Variants in DSTN observed in about 807,000 individuals in gnomAD.
DSTN encodes the protein destrin, actin depolymerizing factor, also known as destrin.
A neutral mutation model predicts 16.8 loss-of-function variants in DSTN; 10 were observed. The observed-to-expected ratio is 0.60, with a 90% CI of 0.37 to 1.01. The LOEUF (loss-of-function observed/expected upper bound fraction) is 1.01. Among genes scored for constraint, DSTN ranks in the 50% least tolerant of loss-of-function variants. The pLI, the probability that DSTN is intolerant of heterozygous loss-of-function variation, is 0.01. For missense variants in DSTN, 141 were observed against 196.7 expected (o/e 0.72, Z 1.69); for synonymous variants, 57 against 58.9 (o/e 0.97, Z 0.14).
chr20:17,595,672 A>G lies in DSTN; in HGVS notation c.4-5066A>G, dbSNP rs547002419. On this transcript the variant is annotated intron_variant, in intron 1 of 3. Coordinates refer to ENST00000246069, the MANE Select transcript of DSTN (RefSeq NM_006870.4). ...CCAAATTGCCAGAGTTCAAATCCCA[A>G]TTCCTCTATTGTTTACTCTGTGACC... is the stretch of plus-strand genomic sequence containing the variant. Among the ~76,000 whole-genome samples the G allele has an allele frequency of 1.4e-3, 217 of 152,112 alleles. 1 individual carries two copies. The highest frequency in any genetic ancestry group is 5.0e-3 in the African/African-American group (208 of 41,510).
intron 1 of DSTN, among the ~76,000 whole-genome samples, chr20:17,574,441 C>T (rs1438266455): frequency 1.3e-5 from 2 of 152,150 alleles, no homozygotes; most frequent in African/African-American, 4.8e-5. Flanking sequence ...ATGTCCTTCA[C>T]TTTACACTTA....
At chr20:17,578,712 G>A (rs555685913) in intron 1 of DSTN, among the ~76,000 whole-genome samples, 49 of 152,314 alleles carry the variant, frequency 3.2e-4, no homozygotes, top group Non-Finnish European at 4.9e-4. Context: ...TGTTATCCCA[G>A]CACTTCGGGA....
At chr20:17,593,581 G>A (rs1014710369) in intron 1 of DSTN, among the ~76,000 whole-genome samples, 17 of 152,176 alleles carry the variant, frequency 1.1e-4, no homozygotes, top group African/African-American at 2.2e-4. Flanking sequence ...ACTTTTCTGC[G>A]TAGTGAGAAT....
chr20:17,577,238 A>C (rs1223771818), intron 1 of DSTN, among the ~76,000 whole-genome samples: 2 of 152,242 alleles, frequency 1.3e-5, no homozygotes, highest in Non-Finnish European at 2.9e-5. Context: ...AACCTGTAGT[A>C]ATAGAACTAA....
At chr20:17,598,653 C>T (rs2035553045) in intron 1 of DSTN, among the ~76,000 whole-genome samples, 1 of 151,998 alleles carries the variant, frequency 6.6e-6, no homozygotes, top group South Asian at 2.1e-4. Flanking sequence ...TGTTGGTTAT[C>T]TTCATCTTAT....
At chr20:17,571,681 A>G (rs890336431) in intron 1 of DSTN, among the ~76,000 whole-genome samples, 8 of 152,222 alleles carry the variant, frequency 5.3e-5, no homozygotes, top group African/African-American at 1.9e-4. Flanking sequence ...GGTCTGCTCT[A>G]GAGACTTCTG....
chr20:17,576,020 C>T (rs1228952752), intron 1 of DSTN, among the ~76,000 whole-genome samples: 1 of 152,170 alleles, frequency 6.6e-6, no homozygotes, highest in Admixed American at 6.5e-5. Flanking sequence ...TGAATTACCT[C>T]CTGCTCATTT....
chr20:17,576,154 C>T (rs1456330041), intron 1 of DSTN: 1 of 152,152 alleles, frequency 6.6e-6, no homozygotes, highest in Non-Finnish European at 1.5e-5. Context: ...ACTAAGACCC[C>T]CATTGAGTTG....
intron 1 of DSTN, among the ~76,000 whole-genome samples, chr20:17,587,410 G>A (rs1349698748): frequency 6.6e-6 from 1 of 152,124 alleles, no homozygotes; most frequent in African/African-American, 2.4e-5. Flanking sequence ...CTACAGGCAT[G>A]TGCCACCACA....
At chr20:17,578,011 CA>C (rs1222602925) in intron 1 of DSTN, among the ~76,000 whole-genome samples, 2 of 152,234 alleles carry the variant, frequency 1.3e-5, no homozygotes, top group African/African-American at 4.8e-5. Flanking sequence ...CTCGTTAAGT[CA>C]CATGTGGCTA....
At chr20:17,602,953 G>A (rs1286523861) in intron 2 of DSTN, among the ~76,000 whole-genome samples, 1 of 152,230 alleles carries the variant, frequency 6.6e-6, no homozygotes, top group East Asian at 1.9e-4. Context: ...CTGGGAGGCA[G>A]AGGTTGCAGT....
At chr20:17,604,498 T>C in intron 2 of DSTN, 57 bp from the exon 3 acceptor site, 1 of 1,525,616 alleles carries the variant, frequency 6.6e-7, no homozygotes, top group Non-Finnish European at 9.0e-7. Flanking sequence ...GTTTAACAAG[T>C]TGCAAGTTAT....
At chr20:17,577,763 T>C (rs2035295364) in intron 1 of DSTN, among the ~76,000 whole-genome samples, 1 of 152,158 alleles carries the variant, frequency 6.6e-6, no homozygotes. Context: ...TGAAATCCAG[T>C]ATATATTTTA....
chr20:17,589,655 T>C (rs979829020), intron 1 of DSTN, among the ~76,000 whole-genome samples: 1 of 152,250 alleles, frequency 6.6e-6, no homozygotes, highest in Admixed American at 6.5e-5. Context: ...CCAAATATTT[T>C]GTCATTAGTC....
chr20:17,607,307 A>T lies in DSTN; in HGVS notation c.*161A>T. The T allele has an allele frequency of 1.9e-6, 1 of 520,426 alleles. No homozygotes were observed. The highest frequency in any genetic ancestry group is 3.2e-6 in the Non-Finnish European group (1 of 310,892). The allele number at this position is 520,426 out of a possible 1,614,324, so 32.2% of individuals were successfully genotyped here. The stretch of plus-strand genomic sequence containing the variant: ...AAACATATGCAAACAGCCCTAAATA[A>T]ATCTAAAGTCTAAAGTTTTATTGAT... On this transcript the variant is annotated 3_prime_UTR_variant, in exon 4 of 4. Transcript: ENST00000246069.
At chr20:17,606,039 C>T (rs1037977724) in intron 3 of DSTN, among the ~76,000 whole-genome samples, 1 of 151,558 alleles carries the variant, frequency 6.6e-6, no homozygotes, top group Admixed American at 6.6e-5. Context: ...ACCCAAGAGG[C>T]AGAGGTTGCA....
rs899198279 is a variant in DSTN, at chr20:17,607,976, T to G, written c.*830T>G. ...ATCTCCTTCAGAAGTTTGCTTCTTA[T>G]GGTATAATAAAGTATGGAAGAATAT... On this transcript the variant is annotated 3_prime_UTR_variant, in exon 4 of 4. Coordinates refer to ENST00000246069, the MANE Select transcript of DSTN (RefSeq NM_006870.4). 5.3e-5 allele frequency: 8 copies of G among 152,342 alleles called. No homozygotes were observed. Among genetic ancestry groups the G allele is most frequent in the Middle Eastern group, 6.8e-3 (2 of 294 alleles). The allele number at this position is 152,342 out of a possible 1,614,324, so 9.4% of individuals were successfully genotyped here.
intron 1 of DSTN, among the ~76,000 whole-genome samples, chr20:17,574,742 AAAAAAT>A (rs1568728891): frequency 6.7e-6 from 1 of 149,038 alleles, no homozygotes; most frequent in Non-Finnish European, 1.5e-5. Context: ...AAAAAAAAAA[AAAAAAT>A]TAAAAGTCTA....
chr20:17,602,487 T>C (rs1388667364), intron 2 of DSTN, among the ~76,000 whole-genome samples: 1 of 152,220 alleles, frequency 6.6e-6, no homozygotes, highest in Non-Finnish European at 1.5e-5. Context: ...TTATGAAAAG[T>C]ATGCATTCTT....
Sources: gnomAD v4.1 joint callset for allele counts (sites outside exome capture counted in the v4.1 genomes callset) on GRCh38, gnomAD v4.1.1 for gene constraint, MANE v1.5 for transcripts, NCBI Gene and HGNC (gene_info 2026-07-23, HGNC 2026-07-21) for gene names.